Variants in TBC1D32 observed in about 807,000 individuals in gnomAD.
The protein encoded by TBC1D32 is TBC1 domain family member 32, also known as protein broad-minded.
TBC1D32 carries 151 observed loss-of-function variants against 170.3 expected under a neutral mutation model. That is an observed-to-expected ratio of 0.89 (90% CI 0.78 to 1.01). The LOEUF (loss-of-function observed/expected upper bound fraction) is 1.01. Among genes scored for constraint, TBC1D32 ranks in the 50% least tolerant of loss-of-function variants. The probability of loss-of-function intolerance (pLI) is 0.00; values close to 1 mark genes in which losing one functional copy is unlikely to be tolerated. For missense variants in TBC1D32, 1,464 were observed against 1,457.1 expected (o/e 1.00, Z -0.08); for synonymous variants, 498 against 488.0 (o/e 1.02, Z -0.27).
chr6:121,219,772 C>T (rs1794283029), intron 21 of TBC1D32, among the ~76,000 whole-genome samples: 2 of 152,198 alleles, frequency 1.3e-5, no homozygotes, highest in Non-Finnish European at 2.9e-5. Flanking sequence ...AGCAACGCTA[C>T]GTCAAACAAG....
At chr6:121,322,801 T>A (rs1449898997) in intron 1 of TBC1D32, among the ~76,000 whole-genome samples, 2 of 152,226 alleles carry the variant, frequency 1.3e-5, no homozygotes, top group African/African-American at 4.8e-5. Flanking sequence ...GAAAGGTTTA[T>A]CTCTTCATTT....
chr6:121,162,877 G>A (rs1448710173), intron 22 of TBC1D32: 3 of 101,534 alleles, frequency 3.0e-5, no homozygotes, highest in Non-Finnish European at 6.6e-5. Flanking sequence ...CACCGTGCGC[G>A]AGCCGAAGCA....
At chr6:121,230,393 G>T (rs188503617) in intron 20 of TBC1D32, among the ~76,000 whole-genome samples, 1 of 152,086 alleles carries the variant, frequency 6.6e-6, no homozygotes, top group East Asian at 1.9e-4. Context: ...CATGCTAAAG[G>T]TTATTGGTAA....
rs67847088 is a variant in TBC1D32, at chr6:121,308,686, CTTTTT to C, written c.565-590_565-586del. On this transcript the variant is annotated intron_variant, in intron 4 of 31. Transcript: ENST00000398212. Reference sequence around the variant, plus strand: ...CTGTATTTTCACAGAAAGCTTACTTCTTTTTTTTTTTTTTTTTTTTGAGACGGAGT... The same window carrying C: ...CTGTATTTTCACAGAAAGCTTACTTCTTTTTTTTTTTTTTTGAGACGGAGT... Among the ~76,000 whole-genome samples the C allele has an allele frequency of 7.9e-4, 89 of 112,494 alleles. 1 individual carries two copies. In the Middle Eastern group the frequency reaches 0.015, roughly 19 times the overall value. The allele number at this position is 112,494 out of a possible 152,430, so 73.8% of individuals were successfully genotyped here. A position where few individuals can be genotyped will look rare whatever the true frequency, so the allele number is the denominator to read the frequency against.
intron 22 of TBC1D32, among the ~76,000 whole-genome samples, chr6:121,161,696 T>C (rs760940048): frequency 3.9e-5 from 6 of 152,216 alleles, no homozygotes; most frequent in Non-Finnish European, 7.3e-5. Flanking sequence ...TTTGGGTATA[T>C]ACCCAGTAAT....
At chr6:121,106,298 A>C in intron 29 of TBC1D32, 135 bp from the exon 30 acceptor site, 1 of 392,500 alleles carries the variant, frequency 2.5e-6, no homozygotes, top group Non-Finnish European at 3.9e-6. Context: ...TGGCATAACA[A>C]ATCACTGTAA....
chr6:121,276,002 C>G (rs1802156352), intron 15 of TBC1D32, among the ~76,000 whole-genome samples: 1 of 151,202 alleles, frequency 6.6e-6, no homozygotes, highest in African/African-American at 2.4e-5. Flanking sequence ...ACCTATAGGT[C>G]CCAGCTACTT....
intron 22 of TBC1D32, among the ~76,000 whole-genome samples, chr6:121,193,944 G>A (rs1583164214): frequency 1.3e-5 from 2 of 152,296 alleles, no homozygotes; most frequent in African/African-American, 4.8e-5. Context: ...AATCTAGGCT[G>A]TGAATATTTC....
chr6:121,085,873 G>T (rs567959612), intron 31 of TBC1D32, among the ~76,000 whole-genome samples: 1 of 152,044 alleles, frequency 6.6e-6, no homozygotes, highest in Non-Finnish European at 1.5e-5. Context: ...GTCTTGGCTA[G>T]GTTAATGAGG....
chr6:121,202,329 T>C (rs1310010839), intron 22 of TBC1D32, among the ~76,000 whole-genome samples: 2 of 145,588 alleles, frequency 1.4e-5, no homozygotes, highest in African/African-American at 5.2e-5. Context: ...AATAAGAGTG[T>C]GTGATACACA....
chr6:121,312,139 AC>A (rs1168390350), intron 3 of TBC1D32, among the ~76,000 whole-genome samples: 2 of 152,198 alleles, frequency 1.3e-5, no homozygotes, highest in African/African-American at 4.8e-5. Flanking sequence ...TGGGAGTTGA[AC>A]AATGAGAACA....
At chr6:121,295,011 G>T (rs1379487066) in intron 10 of TBC1D32, among the ~76,000 whole-genome samples, 1 of 152,076 alleles carries the variant, frequency 6.6e-6, no homozygotes, top group Non-Finnish European at 1.5e-5. Flanking sequence ...CTTTGCCTTA[G>T]AATCTTTTCC....
intron 20 of TBC1D32, among the ~76,000 whole-genome samples, chr6:121,237,718 T>C (rs73526618): frequency 0.048 from 7,374 of 152,088 alleles, 541 homozygotes; most frequent in African/African-American, 0.15. Flanking sequence ...CATAGTTTTA[T>C]TTCTCTACTC....
chr6:121,086,429 T>C (rs150010306), intron 31 of TBC1D32, among the ~76,000 whole-genome samples: 2 of 152,258 alleles, frequency 1.3e-5, no homozygotes, highest in East Asian at 3.9e-4. Context: ...ATATTATGTA[T>C]ACTTTTATCT....
chr6:121,284,669 T>C lies in TBC1D32; in HGVS notation c.1373-759A>G, dbSNP rs193014789. On this transcript the variant is annotated intron_variant, in intron 12 of 31. Coordinates refer to ENST00000398212, the MANE Select transcript of TBC1D32 (RefSeq NM_152730.6). ...TGAAACTTAAAGGTGAAAGTTGACCTATGCTAATATAGTAGAATAAACCAC... is the reference window on the plus strand; with the variant it reads ...TGAAACTTAAAGGTGAAAGTTGACCCATGCTAATATAGTAGAATAAACCAC... Among the ~76,000 whole-genome samples, 40 of 152,262 alleles carry C rather than the reference T, an allele frequency of 2.6e-4. 1 individual carries two copies. In the East Asian group the frequency reaches 6.9e-3, roughly 26 times the overall value.
Position 121,264,324 on chromosome 6 carries a change from A to G in TBC1D32, c.1734-8039T>C, listed in dbSNP as rs1800165528. Among the ~76,000 whole-genome samples, 5 of 152,322 alleles carry G rather than the reference A, an allele frequency of 3.3e-5. No individual in the cohort carries two copies. The South Asian group carries it at 8.3e-4, about 25-fold the overall frequency. ...TCTGTGTAAATAAACTAGAAAATCT[A>G]GAAGAAATGGTTAAATTCCTGGACA... is the stretch of plus-strand genomic sequence containing the variant. On this transcript the variant is annotated intron_variant, in intron 15 of 31. Transcript: ENST00000398212.
intron 24 of TBC1D32, among the ~76,000 whole-genome samples, chr6:121,148,638 G>A (rs1783793948): frequency 6.6e-6 from 1 of 151,738 alleles, no homozygotes; most frequent in South Asian, 2.1e-4. Context: ...TTTTTAGATG[G>A]AGTCTCGCTC....
chr6:121,207,680 G>A (rs1345385958), intron 21 of TBC1D32, among the ~76,000 whole-genome samples: 2 of 152,016 alleles, frequency 1.3e-5, no homozygotes, highest in Non-Finnish European at 2.9e-5. Context: ...GAAGACCCAG[G>A]ACTTACAAAA....
chr6:121,197,671 T>C (rs143260742), intron 22 of TBC1D32, among the ~76,000 whole-genome samples: 70 of 152,306 alleles, frequency 4.6e-4, no homozygotes, highest in African/African-American at 1.6e-3. Flanking sequence ...AGCTGTATTA[T>C]GTTAGGCGTA....
Sources: gnomAD v4.1 joint callset for allele counts (sites outside exome capture counted in the v4.1 genomes callset) on GRCh38, gnomAD v4.1.1 for gene constraint, MANE v1.5 for transcripts, NCBI Gene and HGNC (gene_info 2026-07-23, HGNC 2026-07-21) for gene names.